The following ENO4 variants were observed in gnomAD, a reference collection of about 807,000 sequenced individuals.
ENO4 encodes enolase 4.
In ENO4, 53 loss-of-function variants were observed where a neutral mutation model predicts 63.2. That is an observed-to-expected ratio of 0.84 (90% CI 0.67 to 1.05). The LOEUF is 1.05. Ranked by LOEUF, ENO4 falls within the 50% of genes least tolerant of loss-of-function variation. The probability of loss-of-function intolerance (pLI) is 0.00; values close to 1 mark genes in which losing one functional copy is unlikely to be tolerated. For synonymous variants in ENO4, 266 were observed against 283.8 expected (o/e 0.94, Z 0.63); for missense variants, 719 against 772.0 (o/e 0.93, Z 0.81).
chr10:116,910,164 A>G (rs1848133380), intron 10 of ENO4, among the ~76,000 whole-genome samples: 1 of 152,176 alleles, frequency 6.6e-6, no homozygotes, highest in Non-Finnish European at 1.5e-5. Flanking sequence ...CAAATAGTCC[A>G]TCCTTCCTCA....
intron 3 of ENO4, among the ~76,000 whole-genome samples, chr10:116,857,655 T>TC (rs1846303218): frequency 1.3e-5 from 2 of 151,840 alleles, no homozygotes; most frequent in Admixed American, 6.6e-5. Context: ...TTTTTTTTTT[T>TC]TGAGATGGAG....
Position 116,855,605 on chromosome 10 carries a change from C to A in ENO4, c.166-18C>A, listed in dbSNP as rs1193092140. On this transcript the variant is annotated intron_variant, in intron 1 of 13. Coordinates refer to ENST00000341276, the MANE Select transcript of ENO4 (RefSeq NM_001242699.2). ...CAACTTGAACCAGATGATTTTTGTT[C>A]TTTTGTGTGTGTTGAAGGCAAACTG... 4.6e-6 allele frequency: 7 copies of A among 1,535,806 alleles called. No individual in the cohort carries two copies. The highest frequency in any genetic ancestry group is 6.1e-6 in the Non-Finnish European group (7 of 1,146,770).
At chr10:116,872,740 C>A (rs1173369777) in intron 9 of ENO4, among the ~76,000 whole-genome samples, 1 of 152,122 alleles carries the variant, frequency 6.6e-6, no homozygotes, top group Non-Finnish European at 1.5e-5. Flanking sequence ...AGCATATTGC[C>A]AAGCATCTAT....
chr10:116,876,743 G>A (rs758865209), intron 11 of ENO4, among the ~76,000 whole-genome samples: 10 of 152,162 alleles, frequency 6.6e-5, no homozygotes, highest in Non-Finnish European at 1.2e-4. Flanking sequence ...GAGGTCAGGA[G>A]ATCGAGACCA....
At position 116,860,982 on chromosome 10, in the gene ENO4, C is replaced by T; in HGVS notation, c.804+19C>T. ...CAATCAGGTTAGTATCTATGAAGTT[C>T]CATTAAAAGGAGCCATGAGTATCTC... On this transcript the variant is annotated intron_variant, in intron 5 of 13. Coordinates refer to ENST00000341276, the MANE Select transcript of ENO4 (RefSeq NM_001242699.2). 6.5e-7 allele frequency: 1 copy of T among 1,531,850 alleles called. No individual in the cohort carries two copies. The highest frequency in any genetic ancestry group is 8.8e-7 in the Non-Finnish European group (1 of 1,134,362). 94.9% of individuals were successfully genotyped at this position (1,531,850 alleles called of 1,614,324 possible).
intron 10 of ENO4, among the ~76,000 whole-genome samples, chr10:116,892,505 A>G (rs1248265811): frequency 6.6e-6 from 1 of 152,218 alleles, no homozygotes. Flanking sequence ...GAAATATTTT[A>G]AGAGACATAG....
At chr10:116,860,514 C>A (rs535326361) in intron 4 of ENO4, among the ~76,000 whole-genome samples, 84 of 152,188 alleles carry the variant, frequency 5.5e-4, no homozygotes, top group Non-Finnish European at 9.7e-4. Context: ...CCTCTAAGCC[C>A]CAGTTTATGT....
At position 116,879,291 on chromosome 10, in the gene ENO4, G is replaced by GT; in HGVS notation, c.1539dup (p.Lys514Ter). Reference sequence around the variant, plus strand: ...AAACTGAAAGAAATTCCTCTTCCAGGTAAGAAGCACATCACTGTCTTTGGA... The same window carrying GT: ...AAACTGAAAGAAATTCCTCTTCCAGGTTAAGAAGCACATCACTGTCTTTGGA... On this transcript the variant is annotated frameshift_variant and splice_region_variant, in exon 12 of 14. Transcript: ENST00000341276. LOFTEE classifies it high-confidence loss of function. The GT allele has an allele frequency of 1.9e-6, 3 of 1,548,666 alleles. No homozygotes were observed. Among genetic ancestry groups the GT allele is most frequent in the Non-Finnish European group, 2.6e-6 (3 of 1,145,638 alleles).
At chr10:116,911,952 G>GTCAT, downstream of ENO4, 1 of 780,128 alleles carries the variant, frequency 1.3e-6, no homozygotes, top group Non-Finnish European at 2.2e-6. Flanking sequence ...TAATATGTAT[G>GTCAT]ACTATATATA....
At chr10:116,880,091 A>C in intron 13 of ENO4, 105 bp downstream of exon 13, 1 of 816,264 alleles carries the variant, frequency 1.2e-6, no homozygotes, top group South Asian at 1.9e-5. Context: ...GGGGAATCCA[A>C]AGACCATACA....
downstream of ENO4, chr10:116,886,363 G>A (rs552881857): frequency 6.4e-7 from 1 of 1,554,526 alleles, no homozygotes; most frequent in South Asian, 1.2e-5. Context: ...GGAGCTGTCT[G>A]TCTCTCTCAC....
In ENO4 at chr10:116,890,127, A is replaced by C. The variant is rs376901006; in HGVS notation, c.1194+10141A>C. Reference sequence around the variant, plus strand: ...GAAATCCCAGAAGCTCAAATGCAACACTTCAATGGGAATTGTAATATACTG... The same window carrying C: ...GAAATCCCAGAAGCTCAAATGCAACCCTTCAATGGGAATTGTAATATACTG... On this transcript the variant is annotated intron_variant, in intron 10 of 10. Coordinates refer to the ENO4 transcript ENST00000369207. Among the ~76,000 whole-genome samples the C allele has an allele frequency of 6.1e-4, 92 of 151,430 alleles. 4 individuals carry two copies. The South Asian group carries it at 0.019, about 31-fold the overall frequency.
chr10:116,888,698 G>C (rs1248517676), intron 10 of ENO4, among the ~76,000 whole-genome samples: 1 of 152,226 alleles, frequency 6.6e-6, no homozygotes, highest in East Asian at 1.9e-4. Context: ...CTGTGGGCCA[G>C]TCACTGCCAC....
chr10:116,901,280 T>C, intron 10 of ENO4: 1 of 985,354 alleles, frequency 1.0e-6, no homozygotes, highest in South Asian at 4.7e-5. Flanking sequence ...TCTATACAGA[T>C]AACTCTTTAC....
At chr10:116,870,666 C>G (rs986189560) in intron 8 of ENO4, among the ~76,000 whole-genome samples, 7 of 141,704 alleles carry the variant, frequency 4.9e-5, no homozygotes, top group Middle Eastern at 3.5e-3. Flanking sequence ...TGAAACTTCT[C>G]CTGAAGGAGG....
intron 6 of ENO4, 46 bp downstream of exon 6, chr10:116,861,236 A>AATATATAT (rs57040708): frequency 1.2e-4 from 21 of 168,048 alleles, no homozygotes; most frequent in Admixed American, 8.2e-4. Context: ...AAAAAAAAAA[A>AATATATAT]ATATATATAT....
At chr10:116,870,135 A>C (rs1753050079) in intron 8 of ENO4, among the ~76,000 whole-genome samples, 1 of 152,166 alleles carries the variant, frequency 6.6e-6, no homozygotes, top group Non-Finnish European at 1.5e-5. Context: ...GTCAAAACAG[A>C]ATATTCATTC....
chr10:116,877,125 A>C (rs543401954), intron 11 of ENO4, among the ~76,000 whole-genome samples: 1 of 152,068 alleles, frequency 6.6e-6, no homozygotes, highest in Non-Finnish European at 1.5e-5. Context: ...AAAATATCTC[A>C]CCATTCACAA....
chr10:116,857,641 A>AC (rs1460128657), intron 3 of ENO4, among the ~76,000 whole-genome samples: 2 of 111,408 alleles, frequency 1.8e-5, no homozygotes, highest in African/African-American at 2.7e-5. Context: ...TGTAACAGAA[A>AC]CTTTTTTTTT....
Sources: allele counts gnomAD v4.1 joint callset (sites outside exome capture counted in the v4.1 genomes callset), GRCh38; gene constraint gnomAD v4.1.1; transcripts MANE v1.5; gene names NCBI Gene and HGNC (gene_info 2026-07-23, HGNC 2026-07-21).